IFT27: variants seen among roughly 807,000 people sequenced by gnomAD.
The protein encoded by IFT27 is intraflagellar transport protein 27 homolog.
A neutral mutation model predicts 23.9 loss-of-function variants in IFT27; 19 were observed. The ratio of observed to expected loss-of-function variants is 0.79; its 90% CI spans 0.55 to 1.16. The LOEUF (loss-of-function observed/expected upper bound fraction) is 1.16. IFT27 is among the 50% of genes most tolerant of loss of function. The pLI, the probability that IFT27 is intolerant of heterozygous loss-of-function variation, is 0.00. For missense variants in IFT27, 206 were observed against 228.7 expected (o/e 0.90, Z 0.64); for synonymous variants, 91 against 89.1 (o/e 1.02, Z -0.12).
chr22:36,758,356 G>A lies in IFT27; in HGVS notation c.516C>T (p.His172=). 6.2e-7 allele frequency: 1 copy of A among 1,614,188 alleles called. No homozygotes were observed. Among genetic ancestry groups the A allele is most frequent in the Middle Eastern group, 1.7e-4 (1 of 6,034 alleles). ...APFHCLAKQF[H]QLYREKVEVF... Reference sequence around the variant, plus strand: ...CCTCCACCTTCTCCCGGTACAGCTGGTGGAACTGCTTGGCAAGGCAGTGGA... The same window carrying A: ...CCTCCACCTTCTCCCGGTACAGCTGATGGAACTGCTTGGCAAGGCAGTGGA... Residue 172 remains histidine, a synonymous_variant, in exon 7 of 7, where the codon CAC becomes CAT. Transcript: ENST00000433985.
At chr22:36,759,178 A>G (rs1337975100) in intron 6 of IFT27, 1 of 152,154 alleles carries the variant, frequency 6.6e-6, no homozygotes, top group African/African-American at 2.4e-5. Flanking sequence ...AGAGGCGCCC[A>G]TGGGGCACCA....
At chr22:36,759,340 A>G (rs528941278) in intron 6 of IFT27, 1 of 152,312 alleles carries the variant, frequency 6.6e-6, no homozygotes, top group South Asian at 2.1e-4. Flanking sequence ...AGGGCTGGGC[A>G]CTTTAATACC....
intron 1 of IFT27, among the ~76,000 whole-genome samples, chr22:36,771,077 C>T (rs1416780926): frequency 6.6e-6 from 1 of 152,138 alleles, no homozygotes; most frequent in East Asian, 1.9e-4. Context: ...TTTCCCTACT[C>T]CCAGACCAGC....
chr22:36,772,618 G>C, intron 1 of IFT27: 1 of 985,426 alleles, frequency 1.0e-6, no homozygotes, highest in Non-Finnish European at 1.2e-6. Context: ...GTGTTAGAAC[G>C]TATCACACGC....
In IFT27 at chr22:36,775,402, C is replaced by T. The variant is rs959632817; in HGVS notation, c.34+272G>A. Among the ~76,000 whole-genome samples, 7 of 152,184 alleles carry T rather than the reference C, an allele frequency of 4.6e-5. No individual in the cohort carries two copies. The South Asian group carries it at 1.4e-3, about 32-fold the overall frequency. On this transcript the variant is annotated intron_variant, in intron 1 of 6. Coordinates refer to ENST00000433985, the MANE Select transcript of IFT27 (RefSeq NM_001177701.3). Reference sequence around the variant, plus strand: ...CAAGTCTGCTTCTCCAGAGTTGTAACTAGTGATTTTTTAACGAGTCACCTC... The same window carrying T: ...CAAGTCTGCTTCTCCAGAGTTGTAATTAGTGATTTTTTAACGAGTCACCTC...
intron 6 of IFT27, chr22:36,760,996 T>C (rs912290050): frequency 6.0e-6 from 1 of 166,676 alleles, no homozygotes; most frequent in African/African-American, 2.4e-5. Context: ...TGCGTTTGCT[T>C]ATATTTCCTT....
In IFT27 at chr22:36,763,906, C is replaced by A; in HGVS notation, c.352+13G>T. On this transcript the variant is annotated intron_variant, in intron 5 of 6. Coordinates refer to ENST00000433985, the MANE Select transcript of IFT27 (RefSeq NM_001177701.3). Reference sequence around the variant, plus strand: ...AGATGCCGCTGGGAAACATGGGTGTCTGCAGCCCGTACCTGGGAGAGAGAT... The same window carrying A: ...AGATGCCGCTGGGAAACATGGGTGTATGCAGCCCGTACCTGGGAGAGAGAT... The A allele has an allele frequency of 6.4e-7, 1 of 1,567,636 alleles. No homozygotes were observed. Among genetic ancestry groups the A allele is most frequent in the Admixed American group, 1.7e-5 (1 of 59,970 alleles).
Position 36,775,946 on chromosome 22 carries a change from T to C in IFT27, c.-239A>G, listed in dbSNP as rs1938492130. On this transcript the variant is annotated 5_prime_UTR_variant, in exon 1 of 7. Coordinates refer to ENST00000433985, the MANE Select transcript of IFT27 (RefSeq NM_001177701.3). ...GGGGAGGGCTCCAGGTGGGCCCGGCTCGAGGCCTGACACGGCAGTCTGAAA... is the reference window on the plus strand; with the variant it reads ...GGGGAGGGCTCCAGGTGGGCCCGGCCCGAGGCCTGACACGGCAGTCTGAAA... The C allele has an allele frequency of 1.7e-6, 1 of 594,144 alleles. No individual in the cohort carries two copies. Among genetic ancestry groups the C allele is most frequent in the African/African-American group, 1.9e-5 (1 of 53,488 alleles). 36.8% of individuals were successfully genotyped at this position (594,144 alleles called of 1,614,324 possible). A position where few individuals can be genotyped will look rare whatever the true frequency, so the allele number is the denominator to read the frequency against.
At chr22:36,769,063 A>G (rs1214672910) in intron 1 of IFT27, among the ~76,000 whole-genome samples, 1 of 152,148 alleles carries the variant, frequency 6.6e-6, no homozygotes, top group Non-Finnish European at 1.5e-5. Flanking sequence ...CTTGTAAGAC[A>G]ATTATTTCAA....
At position 36,764,123 on chromosome 22, in the gene IFT27, G is replaced by T. The variant is rs1938177044; in HGVS notation, c.235-87C>A. On this transcript the variant is annotated intron_variant, in intron 4 of 6. Transcript: ENST00000433985. ...AGACAATTTGGCCTTCCAAGGGAAA[G>T]GGTATGGGGAGCAGAGGGAAACAAG... 4 of 888,566 alleles carry T rather than the reference G, an allele frequency of 4.5e-6. No homozygotes were observed. In the South Asian group the frequency reaches 5.5e-5, roughly 12 times the overall value. The allele number at this position is 888,566 out of a possible 1,614,324, so 55.0% of individuals were successfully genotyped here. A position where few individuals can be genotyped will look rare whatever the true frequency, so the allele number is the denominator to read the frequency against.
At chr22:36,758,524 C>A in intron 6 of IFT27, 115 bp from the exon 7 acceptor site, 1 of 785,150 alleles carries the variant, frequency 1.3e-6, no homozygotes, top group Non-Finnish European at 2.2e-6. Flanking sequence ...ATTTCATCTT[C>A]ACGCCCTTCG....
In IFT27 at chr22:36,775,814, A is replaced by G. The variant is rs925388420; in HGVS notation, c.-107T>C. ...GCTGGCCTGGGACGGGAAGGTGGGG[A>G]GGGGAGGGCTGATCTCAAGGGTCAG... On this transcript the variant is annotated 5_prime_UTR_variant, in exon 1 of 7. Transcript: ENST00000433985. The G allele has an allele frequency of 1.1e-6, 1 of 952,204 alleles. No homozygotes were observed. The allele number at this position is 952,204 out of a possible 1,614,324, so 59.0% of individuals were successfully genotyped here.
At chr22:36,769,571 T>C (rs938353246) in intron 1 of IFT27, among the ~76,000 whole-genome samples, 1 of 152,170 alleles carries the variant, frequency 6.6e-6, no homozygotes, top group Non-Finnish European at 1.5e-5. Flanking sequence ...GCCAGCCTGA[T>C]CACAAACTCT....
intron 4 of IFT27, among the ~76,000 whole-genome samples, chr22:36,764,874 C>T (rs1938206109): frequency 6.6e-6 from 1 of 152,222 alleles, no homozygotes. Context: ...TGACTCTTGG[C>T]CATGCTCTGG....
chr22:36,763,449 C>T, intron 5 of IFT27: 1 of 267,046 alleles, frequency 3.7e-6, no homozygotes, highest in Non-Finnish European at 7.2e-6. Context: ...GCATCAGCTG[C>T]AGCTAATTTT....
In IFT27 at chr22:36,768,023, G is replaced by C. The variant is rs1321058406; in HGVS notation, c.35-161C>G. ...GTTCTGAGGCCGCGGGCAGGGCACA[G>C]GTCCATGAGACTGATCTGCAAACCT... is the stretch of plus-strand genomic sequence containing the variant. On this transcript the variant is annotated intron_variant, in intron 1 of 6. Coordinates refer to ENST00000433985, the MANE Select transcript of IFT27 (RefSeq NM_001177701.3). The C allele has an allele frequency of 6.9e-6, 5 of 723,270 alleles. No individual in the cohort carries two copies. The Admixed American group carries it at 9.9e-5, about 14-fold the overall frequency. The allele number at this position is 723,270 out of a possible 1,614,324, so 44.8% of individuals were successfully genotyped here. A position where few individuals can be genotyped will look rare whatever the true frequency, so the allele number is the denominator to read the frequency against.
Position 36,775,711 on chromosome 22 carries a change from A to C in IFT27, c.-4T>G, listed in dbSNP as rs1601505382. Reference sequence around the variant, plus strand: ...ATTTGGCTGCCAGCTTCACCATGGTAACCAACACTCCCGCGAGCCGTACCC... The same window carrying C: ...ATTTGGCTGCCAGCTTCACCATGGTCACCAACACTCCCGCGAGCCGTACCC... On this transcript the variant is annotated 5_prime_UTR_variant, in exon 1 of 7. Coordinates refer to ENST00000433985, the MANE Select transcript of IFT27 (RefSeq NM_001177701.3). The C allele has an allele frequency of 6.2e-7, 1 of 1,614,104 alleles. No individual in the cohort carries two copies. Among genetic ancestry groups the C allele is most frequent in the East Asian group, 2.2e-5 (1 of 44,886 alleles).
chr22:36,774,433 T>C (rs1938452543), intron 1 of IFT27, among the ~76,000 whole-genome samples: 1 of 152,180 alleles, frequency 6.6e-6, no homozygotes, highest in Non-Finnish European at 1.5e-5. Context: ...TGGCCAGATC[T>C]AGGGGCTGAA....
intron 4 of IFT27, 149 bp downstream of exon 4, chr22:36,765,989 C>A: frequency 1.4e-6 from 1 of 720,650 alleles, no homozygotes; most frequent in East Asian, 2.6e-5. Flanking sequence ...ATCCATGAGT[C>A]CTGGGCTGGG....
Sources: allele counts gnomAD v4.1 joint callset (sites outside exome capture counted in the v4.1 genomes callset), GRCh38; gene constraint gnomAD v4.1.1; transcripts MANE v1.5; gene names NCBI Gene and HGNC (gene_info 2026-07-23, HGNC 2026-07-21).